Variants in TSPAN18 observed in about 807,000 individuals in gnomAD.
TSPAN18 encodes the protein tetraspanin-18.
In TSPAN18, 14 loss-of-function variants were observed where a neutral mutation model predicts 27.3. That is an observed-to-expected ratio of 0.51 (90% confidence interval 0.34 to 0.80). The LOEUF (loss-of-function observed/expected upper bound fraction) is 0.80. Among genes scored for constraint, TSPAN18 ranks in the 30% least tolerant of loss-of-function variants. TSPAN18 has a pLI of 0.01. For synonymous variants in TSPAN18, 143 were observed against 136.5 expected, an observed-to-expected ratio of 1.05 and a Z score of -0.33; for missense variants, 268 against 323.9, an observed-to-expected ratio of 0.83 and a Z score of 1.32.
intron 1 of TSPAN18, among the ~76,000 whole-genome samples, chr11:44,738,218 G>A (rs937076490): frequency 6.6e-6 from 1 of 152,102 alleles, no homozygotes; most frequent in South Asian, 2.1e-4. Context: ...GGTGGTTACT[G>A]GTAATCCTCC....
At chr11:44,909,972 C>G in intron 5 of TSPAN18, 73 bp downstream of exon 5, 1 of 1,503,926 alleles carries the variant, frequency 6.6e-7, no homozygotes. Flanking sequence ...GACTCCCAGG[C>G]CCTGCCTGGC....
intron 4 of TSPAN18, 113 bp from the exon 5 acceptor site, chr11:44,909,592 C>T (rs1859630414): frequency 9.2e-7 from 1 of 1,086,028 alleles, no homozygotes; most frequent in Admixed American, 2.3e-5. Flanking sequence ...CCTGGCTCAC[C>T]TAGTGCTTGA....
intron 3 of TSPAN18, among the ~76,000 whole-genome samples, chr11:44,868,328 C>G (rs1858095496): frequency 6.6e-6 from 1 of 152,188 alleles, no homozygotes; most frequent in African/African-American, 2.4e-5. Flanking sequence ...AAAATACCAT[C>G]TGCACATCTG....
At position 44,914,140 on chromosome 11, in the gene TSPAN18, ATG is replaced by A. The variant is rs534633936; in HGVS notation, c.259-3831_259-3830del. 1.4e-4 allele frequency among the ~76,000 whole-genome samples: 22 copies of A among 152,344 alleles called. No individual in the cohort carries two copies. The South Asian group carries it at 4.6e-3, about 32-fold the overall frequency. ...TCTCATCTCCTGATGCTTCAGCTCA[ATG>A]GAAACTCCATGAAGATGGGGACTGA... On this transcript the variant is annotated intron_variant, in intron 5 of 9. Transcript: ENST00000520358.
chr11:44,814,321 A>C (rs1325500135), intron 2 of TSPAN18, among the ~76,000 whole-genome samples: 2 of 152,198 alleles, frequency 1.3e-5, no homozygotes, highest in East Asian at 1.9e-4. Flanking sequence ...CATCCCCCAG[A>C]TAGGAAGGAC....
Position 44,913,238 on chromosome 11 carries a change from C to G in TSPAN18, c.258+3339C>G, listed in dbSNP as rs1859789510. Among the ~76,000 whole-genome samples, 4 of 152,294 alleles carry G rather than the reference C, an allele frequency of 2.6e-5. No individual in the cohort carries two copies. The South Asian group carries it at 8.3e-4, about 32-fold the overall frequency. On this transcript the variant is annotated intron_variant, in intron 5 of 9. Coordinates refer to ENST00000520358, the MANE Select transcript of TSPAN18 (RefSeq NM_130783.5). ...AAACCTGGCTCAAAGGTTCACAAAG[C>G]AAGGAGGCCTTGAGATGGGGCTGAC...
intron 2 of TSPAN18, among the ~76,000 whole-genome samples, chr11:44,779,226 G>T (rs570352111): frequency 3.0e-4 from 46 of 152,212 alleles, no homozygotes; most frequent in African/African-American, 8.9e-4. Flanking sequence ...CCATGGCTGT[G>T]TTCTCAGTTT....
chr11:44,741,604 G>A (rs535864056), intron 1 of TSPAN18, among the ~76,000 whole-genome samples: 30 of 152,278 alleles, frequency 2.0e-4, no homozygotes, highest in Non-Finnish European at 3.8e-4. Context: ...AACATGAAAC[G>A]TGCTGCTAGA....
intron 2 of TSPAN18, among the ~76,000 whole-genome samples, chr11:44,785,421 G>C (rs1021223934): frequency 6.6e-6 from 1 of 152,090 alleles, no homozygotes; most frequent in Non-Finnish European, 1.5e-5. Context: ...CAGAGCTTCC[G>C]AATCCCACCC....
chr11:44,844,932 C>T (rs1208219299), intron 2 of TSPAN18, among the ~76,000 whole-genome samples: 1 of 152,208 alleles, frequency 6.6e-6, no homozygotes, highest in Non-Finnish European at 1.5e-5. Flanking sequence ...TCATCATCAC[C>T]ATTGCAGATT....
chr11:44,744,970 G>A (rs1162633493), intron 1 of TSPAN18, among the ~76,000 whole-genome samples: 4 of 151,932 alleles, frequency 2.6e-5, no homozygotes, highest in African/African-American at 4.8e-5. Context: ...AATTATTGAC[G>A]TCTGTCATGG....
intron 2 of TSPAN18, among the ~76,000 whole-genome samples, chr11:44,857,957 G>A (rs369219834): frequency 6.6e-6 from 1 of 152,122 alleles, no homozygotes; most frequent in Admixed American, 6.5e-5. Flanking sequence ...ATTTTAAACA[G>A]TCTAGGTGGC....
At chr11:44,910,011 G>A (rs1859649225) in intron 5 of TSPAN18, 112 bp downstream of exon 5, 48 of 1,313,134 alleles carry the variant, frequency 3.7e-5, no homozygotes, top group Non-Finnish European at 4.7e-5. Flanking sequence ...TTCCCAAACT[G>A]GGGCGGGCTG....
At chr11:44,803,067 C>A (rs1003926660) in intron 2 of TSPAN18, among the ~76,000 whole-genome samples, 4 of 152,176 alleles carry the variant, frequency 2.6e-5, no homozygotes, top group Non-Finnish European at 5.9e-5. Flanking sequence ...AAAAGTTATT[C>A]ACTGGTCTAT....
intron 2 of TSPAN18, among the ~76,000 whole-genome samples, chr11:44,808,894 C>A (rs988169144): frequency 6.6e-6 from 1 of 152,072 alleles, no homozygotes; most frequent in Non-Finnish European, 1.5e-5. Flanking sequence ...TGGGTCTATG[C>A]GGTTCTCAGG....
intron 2 of TSPAN18, among the ~76,000 whole-genome samples, chr11:44,789,058 G>C (rs1856129266): frequency 6.6e-6 from 1 of 152,212 alleles, no homozygotes; most frequent in East Asian, 1.9e-4. Flanking sequence ...GCAAGGGAAG[G>C]AAGACTTGCG....
chr11:44,830,089 A>T (rs553988670), intron 2 of TSPAN18, among the ~76,000 whole-genome samples: 6 of 151,984 alleles, frequency 3.9e-5, no homozygotes, highest in Admixed American at 2.6e-4. Flanking sequence ...CCCACTCCAC[A>T]CCATCCACAT....
intron 2 of TSPAN18, among the ~76,000 whole-genome samples, chr11:44,765,138 G>A (rs1855537651): frequency 6.6e-6 from 1 of 152,098 alleles, no homozygotes; most frequent in African/African-American, 2.4e-5. Context: ...TCTGTCCTCT[G>A]AGCAGCCTCA....
chr11:44,822,213 GTCTT>G (rs919783125), intron 2 of TSPAN18, among the ~76,000 whole-genome samples: 1 of 152,124 alleles, frequency 6.6e-6, no homozygotes, highest in African/African-American at 2.4e-5. Context: ...TGATATGGGG[GTCTT>G]TCTTAACACT....
Sources: gnomAD v4.1 joint callset for allele counts (sites outside exome capture counted in the v4.1 genomes callset) on GRCh38, gnomAD v4.1.1 for gene constraint, MANE v1.5 for transcripts, NCBI Gene and HGNC (gene_info 2026-07-23, HGNC 2026-07-21) for gene names.